Variants in KIAA1549L observed in about 807,000 individuals in gnomAD.
KIAA1549L encodes the protein KIAA1549 like.
KIAA1549L carries 88 observed loss-of-function variants against 160.7 expected under a neutral mutation model. That is an observed-to-expected ratio of 0.55 (90% CI 0.46 to 0.65). KIAA1549L has a LOEUF of 0.65. Ranked by LOEUF, KIAA1549L falls within the 30% of genes least tolerant of loss-of-function variation. KIAA1549L has a pLI of 0.00. For synonymous variants in KIAA1549L, 950 were observed against 976.7 expected (o/e 0.97, Z 0.51); for missense variants, 2,258 against 2,437.5 (o/e 0.93, Z 1.55).
chr11:33,583,455 A>G lies in KIAA1549L; in HGVS notation c.4520A>G (p.Asn1507Ser). 1 of 1,586,512 alleles carries G rather than the reference A, an allele frequency of 6.3e-7. No homozygotes were observed. Among genetic ancestry groups the G allele is most frequent in the Non-Finnish European group, 8.6e-7 (1 of 1,166,646 alleles). ...ITAVLCRKNK[N>S]DFKPDTMINL... is the part of the protein sequence containing the mutation. ...GCCGTGCTCTGCAGGAAGAACAAGA[A>G]CGACTTCAAGCCTGACACCATGATA... Residue 1507 changes from asparagine to serine, a missense_variant, in exon 11 of 21, where the codon AAC (asparagine) becomes AGC (serine). By Grantham distance (46) the Asn-to-Ser change is conservative (BLOSUM62 1). This residue lies in a region of KIAA1549L where 1,359 missense variants were observed against 1,546.6 expected (regional missense o/e 0.88). Coordinates refer to ENST00000658780, the MANE Select transcript of KIAA1549L (RefSeq NM_012194.3).
rs1276132240 is a variant in KIAA1549L at position 33,667,917 on chromosome 11, C to T, written c.6204C>T (p.Tyr2068=). The change falls in exon 21 of 21, where the codon TAC becomes TAT. Residue 2068 remains tyrosine (Y), a synonymous_variant. Transcript: ENST00000658780. ...GYIEAYPRSR[Y]PQSSPSRLPR... ...TCGAGGCCTACCCCCGATCACGGTA[C>T]CCCCAGAGCTCTCCCTCCAGGCTTC... The T allele has an allele frequency of 1.9e-6, 3 of 1,613,586 alleles. No homozygotes were observed. Among genetic ancestry groups the T allele is most frequent in the East Asian group, 2.2e-5 (1 of 44,868 alleles).
intron 1 of KIAA1549L, among the ~76,000 whole-genome samples, chr11:33,469,341 T>C (rs908120568): frequency 2.0e-5 from 3 of 152,230 alleles, no homozygotes; most frequent in African/African-American, 7.2e-5. Context: ...AGGTTTATCT[T>C]TATTTTAACA....
intron 1 of KIAA1549L, among the ~76,000 whole-genome samples, chr11:33,466,695 A>G (rs1333931609): frequency 1.3e-5 from 2 of 152,214 alleles, no homozygotes; most frequent in Admixed American, 6.5e-5. Flanking sequence ...ACTGTTCACA[A>G]TAGCAAAGAC....
rs1427167379 is a variant in KIAA1549L at position 33,530,455 on chromosome 11, A to ATG, written c.239-11346_239-11345insGT. Among the ~76,000 whole-genome samples, 2 of 22,538 alleles carry ATG rather than the reference A, an allele frequency of 8.9e-5. 1 individual carries two copies. The highest frequency in any genetic ancestry group is 1.3e-3 in the East Asian group (2 of 1,560). The allele number at this position is 22,538 out of a possible 152,430, so 14.8% of individuals were successfully genotyped here. On this transcript the variant is annotated intron_variant, in intron 1 of 20. Coordinates refer to ENST00000658780, the MANE Select transcript of KIAA1549L (RefSeq NM_012194.3). The stretch of plus-strand genomic sequence containing the variant: ...AAAAAAAATATATATATATATATAT[A>ATG]TATATATATATATATATATATATAT...
chr11:33,378,996 A>G (rs572182455), intron 1 of KIAA1549L, among the ~76,000 whole-genome samples: 2 of 152,278 alleles, frequency 1.3e-5, no homozygotes, highest in South Asian at 2.1e-4. Context: ...ACTTTCTGCA[A>G]ACAACCTAGT....
At chr11:33,445,264 G>A (rs1565140227) in intron 1 of KIAA1549L, among the ~76,000 whole-genome samples, 2 of 152,268 alleles carry the variant, frequency 1.3e-5, no homozygotes, top group South Asian at 4.1e-4. Context: ...AGGAGACAAA[G>A]CCAGCAGAAC....
rs2133179428 is a variant in KIAA1549L, at chr11:33,543,957, T to C, written c.2394T>C (p.His798=). ...CAGACATGACCATGGTTGGAAGCCA[T>C]ATAGACCTCTGGCCCACAAGCAATA... is the stretch of plus-strand genomic sequence containing the variant. ...QQSDMTMVGS[H]IDLWPTSNNN... is the part of the protein sequence containing the mutation. Residue 798 remains histidine (H), a synonymous_variant, in exon 2 of 21, where the codon CAT becomes CAC. Transcript: ENST00000658780. 1 of 1,614,008 alleles carries C rather than the reference T, an allele frequency of 6.2e-7. No homozygotes were observed. The highest frequency in any genetic ancestry group is 1.6e-4 in the Middle Eastern group (1 of 6,062).
At chr11:33,629,113 C>A (rs7112840) in intron 16 of KIAA1549L, among the ~76,000 whole-genome samples, 1 of 151,754 alleles carries the variant, frequency 6.6e-6, no homozygotes, top group Non-Finnish European at 1.5e-5. Flanking sequence ...GAATTTTGGC[C>A]CCCACTCTCT....
At chr11:33,617,508 A>G (rs572956121) in intron 15 of KIAA1549L, among the ~76,000 whole-genome samples, 2 of 152,164 alleles carry the variant, frequency 1.3e-5, no homozygotes, top group South Asian at 2.1e-4. Flanking sequence ...GCCCAGATCA[A>G]TGTGTGACTG....
intron 1 of KIAA1549L, among the ~76,000 whole-genome samples, chr11:33,493,169 C>T (rs886681047): frequency 2.0e-4 from 31 of 152,140 alleles, no homozygotes; most frequent in African/African-American, 7.5e-4. Context: ...TTGAATGTGT[C>T]TCCCAAAAAG....
intron 1 of KIAA1549L, among the ~76,000 whole-genome samples, chr11:33,444,758 A>T (rs1851577336): frequency 6.6e-6 from 1 of 152,260 alleles, no homozygotes; most frequent in African/African-American, 2.4e-5. Flanking sequence ...AATTCTCAAC[A>T]ACTAGGGCTG....
chr11:33,655,438 T>C (rs1852031344), intron 17 of KIAA1549L, among the ~76,000 whole-genome samples: 1 of 152,192 alleles, frequency 6.6e-6, no homozygotes, highest in Non-Finnish European at 1.5e-5. Context: ...CCACTAAACC[T>C]GCTCTCCCTT....
intron 1 of KIAA1549L, among the ~76,000 whole-genome samples, chr11:33,524,305 T>C (rs1308250843): frequency 6.6e-6 from 1 of 152,144 alleles, no homozygotes; most frequent in Non-Finnish European, 1.5e-5. Context: ...TCCTTTCTCA[T>C]TCCTAATGTC....
At chr11:33,546,970 T>C (rs572434143) in intron 3 of KIAA1549L, among the ~76,000 whole-genome samples, 2 of 152,238 alleles carry the variant, frequency 1.3e-5, no homozygotes, top group Non-Finnish European at 2.9e-5. Flanking sequence ...TCTCAAAATA[T>C]CTTATTGTAC....
Position 33,671,211 on chromosome 11 carries a change from C to T in KIAA1549L, c.*3057C>T, listed in dbSNP as rs1010754404. The T allele has an allele frequency of 2.0e-5, 3 of 152,148 alleles. No homozygotes were observed. The highest frequency in any genetic ancestry group is 7.2e-5 in the African/African-American group (3 of 41,436). 9.4% of individuals were successfully genotyped at this position (152,148 alleles called of 1,614,324 possible). ...AGAGTACCATCAAGGAAACGGAGAC[C>T]TCAACTGCTGTTCTAGACTGTGGGG... is the stretch of plus-strand genomic sequence containing the variant. On this transcript the variant is annotated 3_prime_UTR_variant, in exon 21 of 21. Transcript: ENST00000658780.
At chr11:33,525,612 G>C (rs573435808) in intron 1 of KIAA1549L, among the ~76,000 whole-genome samples, 1 of 152,022 alleles carries the variant, frequency 6.6e-6, no homozygotes, top group Non-Finnish European at 1.5e-5. Context: ...GGACAAATTG[G>C]AAGTGCATAT....
At chr11:33,451,488 C>A (rs1851719286) in intron 1 of KIAA1549L, among the ~76,000 whole-genome samples, 1 of 152,244 alleles carries the variant, frequency 6.6e-6, no homozygotes, top group Admixed American at 6.5e-5. Flanking sequence ...ATGGGCATTT[C>A]TCCCTACATT....
At chr11:33,510,699 T>C (rs1003765322) in intron 1 of KIAA1549L, among the ~76,000 whole-genome samples, 2 of 152,184 alleles carry the variant, frequency 1.3e-5, no homozygotes, top group Admixed American at 6.5e-5. Flanking sequence ...CTTCTGCAAA[T>C]CACCTAACAT....
intron 6 of KIAA1549L, among the ~76,000 whole-genome samples, chr11:33,553,831 C>A (rs1854554870): frequency 1.3e-5 from 2 of 152,116 alleles, no homozygotes; most frequent in African/African-American, 4.8e-5. Context: ...GATAAGCTGC[C>A]CTTGGCCTTA....
Sources: allele counts gnomAD v4.1 joint callset (sites outside exome capture counted in the v4.1 genomes callset), GRCh38; gene constraint gnomAD v4.1.1; regional missense constraint gnomAD v4.1.1; transcripts MANE v1.5; gene names NCBI Gene and HGNC (gene_info 2026-07-23, HGNC 2026-07-21).